Variants in TMEM200A observed in about 807,000 individuals in gnomAD.
The protein encoded by TMEM200A is transmembrane protein 200A, also known as two transmembrane C.
Under a neutral mutation model 24.3 loss-of-function variants are expected in TMEM200A, and 12 were observed. That is an observed-to-expected ratio of 0.49 (90% CI 0.32 to 0.80). The LOEUF (loss-of-function observed/expected upper bound fraction) is 0.80, where lower values mean the gene tolerates loss of function less well. Among genes scored for constraint, TMEM200A ranks in the 30% least tolerant of loss-of-function variants. The pLI, the probability that TMEM200A is intolerant of heterozygous loss-of-function variation, is 0.04. For synonymous variants in TMEM200A, 224 were observed against 224.4 expected (o/e 1.00, Z 0.02); for missense variants, 545 against 614.4 (o/e 0.89, Z 1.19).
chr6:130,388,103 A>G (rs1435181543), intron 2 of TMEM200A, among the ~76,000 whole-genome samples: 1 of 152,216 alleles, frequency 6.6e-6, no homozygotes, highest in East Asian at 1.9e-4. Flanking sequence ...TATACTCTGT[A>G]CTAGTGGAGA....
At chr6:130,429,895 C>T (rs1457487363) in intron 2 of TMEM200A, among the ~76,000 whole-genome samples, 1 of 152,088 alleles carries the variant, frequency 6.6e-6, no homozygotes, top group Non-Finnish European at 1.5e-5. Flanking sequence ...GTGTATAAAT[C>T]AGTTCTAGAA....
chr6:130,411,308 A>T lies in TMEM200A; in HGVS notation c.-17+26072A>T, dbSNP rs140144476. Reference sequence around the variant, plus strand: ...TGCCATTTTTAAAAGAGTTTTTTTTAAATTTTATAATTACAGAAATTTTGC... The same window carrying T: ...TGCCATTTTTAAAAGAGTTTTTTTTTAATTTTATAATTACAGAAATTTTGC... On this transcript the variant is annotated intron_variant, in intron 2 of 2. Transcript: ENST00000296978. 3.7e-3 allele frequency among the ~76,000 whole-genome samples: 562 copies of T among 152,266 alleles called. 5 individuals carry two copies. The highest frequency in any genetic ancestry group is 0.013 in the African/African-American group (532 of 41,558).
chr6:130,386,540 A>G (rs1778715725), intron 2 of TMEM200A, among the ~76,000 whole-genome samples: 1 of 152,216 alleles, frequency 6.6e-6, no homozygotes, highest in Non-Finnish European at 1.5e-5. Flanking sequence ...AGATTAGGAA[A>G]GTTTACCCTC....
At chr6:130,436,630 CCTTTT>C (rs1348169765) in intron 2 of TMEM200A, among the ~76,000 whole-genome samples, 1,495 of 66,664 alleles carry the variant, frequency 0.022, 204 homozygotes, top group African/African-American at 0.053. Context: ...TTTTCTTTAT[CCTTTT>C]TTTTTTTTTT....
intron 1 of TMEM200A, among the ~76,000 whole-genome samples, chr6:130,376,581 A>T (rs1266266289): frequency 2.0e-5 from 3 of 152,214 alleles, no homozygotes. Flanking sequence ...CACTGCACCC[A>T]GCAAAATCAC....
At chr6:130,419,503 C>T (rs978087416) in intron 2 of TMEM200A, among the ~76,000 whole-genome samples, 1 of 152,070 alleles carries the variant, frequency 6.6e-6, no homozygotes, top group Non-Finnish European at 1.5e-5. Context: ...CATACTGTTT[C>T]GCATAGTGGA....
rs13198516 is a variant in TMEM200A, at chr6:130,366,628, G to T, written c.-81+104G>T. 17,733 of 927,402 alleles carry T rather than the reference G, an allele frequency of 0.019. 179 individuals are homozygous for T. The highest frequency in any genetic ancestry group is 0.022 in the Non-Finnish European group (16,763 of 777,106). The allele number at this position is 927,402 out of a possible 1,614,324, so 57.4% of individuals were successfully genotyped here. On this transcript the variant is annotated intron_variant, in intron 1 of 2. Transcript: ENST00000296978. The surrounding 1 kb of genome is among the most constrained non-coding windows in gnomAD (Gnocchi z 4.4). ...AGCCCTCTGCCCTCCCCTCCCCTCC[G>T]CTACAGCCTCCAGAGTTAGGTAAAC...
intron 2 of TMEM200A, among the ~76,000 whole-genome samples, chr6:130,408,966 A>G (rs1255359554): frequency 6.6e-6 from 1 of 152,080 alleles, no homozygotes; most frequent in Non-Finnish European, 1.5e-5. Context: ...GGATATTCCC[A>G]GACAGTGACT....
chr6:130,431,970 T>G (rs756096258), intron 2 of TMEM200A, among the ~76,000 whole-genome samples: 4 of 152,194 alleles, frequency 2.6e-5, no homozygotes, highest in Non-Finnish European at 5.9e-5. Context: ...TCCTTTTAGT[T>G]CCAGCATTCA....
At chr6:130,406,790 C>G (rs575294014) in intron 2 of TMEM200A, among the ~76,000 whole-genome samples, 221 of 152,294 alleles carry the variant, frequency 1.5e-3, no homozygotes, top group African/African-American at 5.1e-3. Flanking sequence ...AACTAATGCT[C>G]TCTTTTCCTT....
At chr6:130,402,632 A>G (rs1172832922) in intron 2 of TMEM200A, among the ~76,000 whole-genome samples, 2 of 151,904 alleles carry the variant, frequency 1.3e-5, no homozygotes, top group Non-Finnish European at 2.9e-5. Flanking sequence ...CTTGCTGTCT[A>G]CCTATGGAAT....
At chr6:130,369,124 C>T (rs1778251839) in intron 1 of TMEM200A, among the ~76,000 whole-genome samples, 1 of 152,064 alleles carries the variant, frequency 6.6e-6, no homozygotes, top group South Asian at 2.1e-4. Context: ...GGACATCTGA[C>T]CTAACATTGA....
At chr6:130,435,000 A>G (rs1457073648) in intron 2 of TMEM200A, among the ~76,000 whole-genome samples, 1 of 151,970 alleles carries the variant, frequency 6.6e-6, no homozygotes, top group African/African-American at 2.4e-5. Context: ...CAAGCTGGTA[A>G]TCTTGATGTC....
rs188936191 is a variant in TMEM200A, at chr6:130,374,286, C to T, written c.-81+7762C>T. On this transcript the variant is annotated intron_variant, in intron 1 of 2. Coordinates refer to ENST00000296978, the MANE Select transcript of TMEM200A (RefSeq NM_001258277.2). ...GTTCTAACTGCACTTTTCACTGGGG[C>T]TGTAACCCAAGTGAGAGCAGGCCTG... is the stretch of plus-strand genomic sequence containing the variant. Among the ~76,000 whole-genome samples the T allele has an allele frequency of 1.2e-4, 19 of 152,298 alleles. 1 individual carries two copies. The East Asian group carries it at 3.5e-3, about 28-fold the overall frequency.
intron 1 of TMEM200A, among the ~76,000 whole-genome samples, chr6:130,383,846 G>A (rs186985915): frequency 2.2e-4 from 33 of 152,228 alleles, no homozygotes; most frequent in African/African-American, 6.0e-4. Context: ...GGCAGGGAGC[G>A]GTGGTTCATG....
intron 1 of TMEM200A, among the ~76,000 whole-genome samples, chr6:130,377,904 C>T (rs554510433): frequency 1.3e-5 from 2 of 152,254 alleles, no homozygotes; most frequent in Middle Eastern, 3.4e-3. Flanking sequence ...AGTAGCATGG[C>T]CAAGGAAGCC....
Position 130,366,239 on chromosome 6 carries a change from C to T in TMEM200A, c.-366C>T. On this transcript the variant is annotated 5_prime_UTR_variant, in exon 1 of 3. Transcript: ENST00000296978. The surrounding 1 kb of genome is among the most constrained non-coding windows in gnomAD (Gnocchi z 4.4). ...ATCCCCTGCCCCGAGGCCTCCGGTG[C>T]CCCCCCGGCGCGGGCATAGGGGCGC... The T allele has an allele frequency of 3.0e-6, 3 of 984,270 alleles. No homozygotes were observed. Among genetic ancestry groups the T allele is most frequent in the South Asian group, 4.7e-5 (1 of 21,240 alleles). 61.0% of individuals were successfully genotyped at this position (984,270 alleles called of 1,614,324 possible). A position where few individuals can be genotyped will look rare whatever the true frequency, so the allele number is the denominator to read the frequency against.
At position 130,440,533 on chromosome 6, in the gene TMEM200A, G is replaced by A; in HGVS notation, c.111G>A (p.Lys37=). 6.2e-7 allele frequency: 1 copy of A among 1,614,116 alleles called. No individual in the cohort carries two copies. The highest frequency in any genetic ancestry group is 8.5e-7 in the Non-Finnish European group (1 of 1,179,974). Residue 37 remains lysine (K), a synonymous_variant, in exon 3 of 3, where the codon AAG becomes AAA. Transcript: ENST00000296978. ...NLSPSPATQE[K]KPIRRRPRAD... ...GCCCGTCTCCTGCTACCCAAGAGAAGAAGCCCATCAGGCGCCGGCCCCGGG... is the reference window on the plus strand; with the variant it reads ...GCCCGTCTCCTGCTACCCAAGAGAAAAAGCCCATCAGGCGCCGGCCCCGGG...
chr6:130,388,270 T>C (rs1778756421), intron 2 of TMEM200A, among the ~76,000 whole-genome samples: 1 of 152,212 alleles, frequency 6.6e-6, no homozygotes, highest in Non-Finnish European at 1.5e-5. Flanking sequence ...TAATAATGGC[T>C]TTCAGATGCT....
Sources: gnomAD v4.1 joint callset for allele counts (sites outside exome capture counted in the v4.1 genomes callset) on GRCh38, gnomAD v4.1.1 for gene constraint, Gnocchi (gnomAD v3.1) non-coding constraint, MANE v1.5 for transcripts, NCBI Gene and HGNC (gene_info 2026-07-23, HGNC 2026-07-21) for gene names.